NEB: variants seen among roughly 807,000 people sequenced by gnomAD.
NEB encodes nemaline myopathy type 2.
Under a neutral mutation model 952.2 loss-of-function variants are expected in NEB, and 512 were observed. The observed-to-expected ratio is 0.54, with a 90% confidence interval of 0.50 to 0.58. NEB has a LOEUF of 0.58. Among genes scored for constraint, NEB ranks in the 20% least tolerant of loss-of-function variants. The pLI, the probability that NEB is intolerant of heterozygous loss-of-function variation, is 0.00. For missense variants in NEB, 8,428 were observed against 9,231.1 expected (o/e 0.91, Z 3.56); for synonymous variants, 2,900 against 3,149.8 (o/e 0.92, Z 2.66).
At chr2:151,505,649 G>A (rs1352232779) in intron 164 of NEB, 79 bp from the exon 165 acceptor site, 6 of 1,204,370 alleles carry the variant, frequency 5.0e-6, no homozygotes, top group Admixed American at 1.7e-5. Context: ...CATGTTTTTT[G>A]TAGCCCCCAA....
chr2:151,657,935 C>T (rs952423927), intron 48 of NEB, 48 bp downstream of exon 48: 17 of 1,318,370 alleles, frequency 1.3e-5, no homozygotes, highest in African/African-American at 8.8e-5. Context: ...CTTATTATTT[C>T]GGTTCCTTAG....
intron 55 of NEB, 132 bp from the exon 56 acceptor site, chr2:151,644,707 GA>G (rs1253645601): frequency 2.7e-6 from 2 of 746,050 alleles, no homozygotes; most frequent in Admixed American, 4.9e-5. Context: ...AATGTAATTA[GA>G]AATTATGCCC....
chr2:151,520,104 T>G (rs1455419769), intron 153 of NEB: 2 of 173,150 alleles, frequency 1.2e-5, no homozygotes, highest in East Asian at 1.5e-4. Context: ...TGTACTTGAT[T>G]TGGAGCATTT....
intron 78 of NEB, 92 bp downstream of exon 78, chr2:151,612,094 C>T: frequency 7.2e-7 from 1 of 1,387,264 alleles, no homozygotes; most frequent in Non-Finnish European, 1.0e-6. Context: ...ATGACACCTC[C>T]TTTCTCAGGG....
Position 151,497,025 on chromosome 2 carries a change from G to A in NEB, c.24309C>T (p.Tyr8103=), listed in dbSNP as rs1332061304. 3.2e-6 allele frequency: 5 copies of A among 1,569,224 alleles called. No homozygotes were observed. ...HNQENISSVL[Y]KENMGKGTPL... ...GGGTTCCCTTGCCCATGTTTTCTTT[G>A]TATAACACCTGTGCGATAAGAAAGC... Residue 8103 remains tyrosine, a synonymous_variant, in exon 172 of 182, where the codon TAC becomes TAT. Transcript: ENST00000397345.
intron 9 of NEB, among the ~76,000 whole-genome samples, chr2:151,717,946 T>C (rs4358117): frequency 0.67 from 101,351 of 151,016 alleles, 37,972 homozygotes; most frequent in Non-Finnish European, 0.83. Context: ...CTCCGCCTCC[T>C]GGGTTCAGGC....
At chr2:151,648,493 C>T (rs2098990782) in intron 54 of NEB, among the ~76,000 whole-genome samples, 1 of 152,128 alleles carries the variant, frequency 6.6e-6, no homozygotes, top group Non-Finnish European at 1.5e-5. Flanking sequence ...AGAGCAATTG[C>T]ATTGTGGTGA....
rs199766288 is a variant in NEB, at chr2:151,612,355, C to A, written c.11636G>T (p.Gly3879Val). 6.2e-7 allele frequency: 1 copy of A among 1,613,790 alleles called. No individual in the cohort carries two copies. Among genetic ancestry groups the A allele is most frequent in the African/African-American group, 1.3e-5 (1 of 75,030 alleles). ...IYKSDLEWLR[G>V]IGWVPIGSVE... ...AGAGCCAATGGGAACCCATCCTATG[C>A]CTCTCAGCCACTCAAGATCAGATTT... Residue 3879 changes from glycine (G) to valine (V), a missense_variant, in exon 78 of 182, where the codon GGC becomes GTC. By Grantham distance (109) the Gly-to-Val change is moderately radical. Around this residue, in one of 11 missense-constraint regions of NEB, gnomAD observed 337 missense variants for 297.5 expected, o/e 1.13. Transcript: ENST00000397345.
chr2:151,674,733 T>C (rs577162274), intron 35 of NEB, 149 bp from the exon 36 acceptor site: 2 of 631,814 alleles, frequency 3.2e-6, no homozygotes, highest in Middle Eastern at 2.6e-4. Context: ...TCACACTGTG[T>C]GTAGCATGAG....
At chr2:151,677,348 T>TA (rs2099372107) in intron 34 of NEB, among the ~76,000 whole-genome samples, 1 of 152,088 alleles carries the variant, frequency 6.6e-6, no homozygotes, top group South Asian at 2.1e-4. Context: ...CAAAGACAGT[T>TA]AAAAAGGAAA....
At chr2:151,526,124 A>G (rs750233465) in intron 149 of NEB, 34 bp downstream of exon 149, 1 of 1,612,214 alleles carries the variant, frequency 6.2e-7, no homozygotes, top group Non-Finnish European at 8.5e-7. Context: ...TTCTCCCAAG[A>G]GGGAAGCAGA....
intron 170 of NEB, 173 bp from the exon 171 acceptor site, chr2:151,497,891 T>A: frequency 6.7e-7 from 1 of 1,487,768 alleles, no homozygotes; most frequent in Non-Finnish European, 8.9e-7. Flanking sequence ...ATCTGCACCC[T>A]CTAGAGAAGC....
intron 3 of NEB, among the ~76,000 whole-genome samples, chr2:151,730,615 T>TG (rs2099804677): frequency 5.4e-5 from 4 of 73,560 alleles, no homozygotes; most frequent in South Asian, 4.0e-4. Flanking sequence ...CATTTCTTAG[T>TG]GAAAAAAAAA....
intron 103 of NEB, among the ~76,000 whole-genome samples, 165 bp downstream of exon 103, chr2:151,581,318 T>C (rs374879543): frequency 0.03 from 417 of 14,068 alleles, 14 homozygotes; most frequent in Middle Eastern, 0.059. Flanking sequence ...ATGTACATTA[T>C]ACAGACACAC....
chr2:151,522,244 TA>T (rs2082428062), intron 153 of NEB, among the ~76,000 whole-genome samples: 1 of 152,248 alleles, frequency 6.6e-6, no homozygotes, highest in Non-Finnish European at 1.5e-5. Context: ...CTGGTGCTTC[TA>T]AAGACTGAAG....
intron 9 of NEB, among the ~76,000 whole-genome samples, chr2:151,721,509 C>A (rs1224276680): frequency 6.6e-6 from 1 of 152,184 alleles, no homozygotes; most frequent in Admixed American, 6.5e-5. Flanking sequence ...TTGGGACCAC[C>A]ACCTCCACAT....
intron 176 of NEB, 70 bp downstream of exon 176, chr2:151,493,283 C>G: frequency 8.7e-7 from 1 of 1,150,396 alleles, no homozygotes; most frequent in Non-Finnish European, 1.3e-6. Flanking sequence ...ATGAGAAAGG[C>G]GTGTTTTTAT....
intron 55 of NEB, among the ~76,000 whole-genome samples, chr2:151,644,915 G>A (rs1044054665): frequency 6.6e-6 from 1 of 152,146 alleles, no homozygotes; most frequent in Non-Finnish European, 1.5e-5. Context: ...GTACGGCCTA[G>A]TACACACCTA....
At chr2:151,529,370 T>C in intron 145 of NEB, 56 bp from the exon 146 acceptor site, 1 of 1,142,426 alleles carries the variant, frequency 8.8e-7, no homozygotes, top group Non-Finnish European at 1.3e-6. Context: ...ATACTGAGCA[T>C]CTTAAAAAAC....
Sources: allele counts gnomAD v4.1 joint callset (sites outside exome capture counted in the v4.1 genomes callset), GRCh38; gene constraint gnomAD v4.1.1; regional missense constraint gnomAD v4.1.1; transcripts MANE v1.5; gene names NCBI Gene and HGNC (gene_info 2026-07-23, HGNC 2026-07-21).